Variants in NEBL observed in about 807,000 individuals in gnomAD.
NEBL encodes LIM and SH3 protein 2.
In NEBL, 122 loss-of-function variants were observed where a neutral mutation model predicts 140.2. The ratio of observed to expected loss-of-function variants is 0.87; its 90% CI spans 0.75 to 1.01. The LOEUF (loss-of-function observed/expected upper bound fraction) is 1.01, where lower values mean the gene tolerates loss of function less well. Among genes scored for constraint, NEBL ranks in the 50% least tolerant of loss-of-function variants. The probability of loss-of-function intolerance (pLI) is 0.00; values close to 1 mark genes in which losing one functional copy is unlikely to be tolerated. For synonymous variants in NEBL, 436 were observed against 398.9 expected, an observed-to-expected ratio of 1.09 and a Z score of -1.11; for missense variants, 1,365 against 1,231.3, an observed-to-expected ratio of 1.11 and a Z score of -1.62.
chr10:21,054,005 C>T (rs1003883783), intron 2 of NEBL, among the ~76,000 whole-genome samples: 1 of 149,446 alleles, frequency 6.7e-6, no homozygotes, highest in African/African-American at 2.5e-5. Context: ...TGCACTCCAG[C>T]CTGGGCGACG....
intron 2 of NEBL, among the ~76,000 whole-genome samples, chr10:21,051,581 G>A (rs1399080946): frequency 6.6e-6 from 1 of 152,032 alleles, no homozygotes; most frequent in Non-Finnish European, 1.5e-5. Flanking sequence ...AGGAAGAAAG[G>A]AATAGAGAAA....
chr10:21,034,234 A>C (rs1833925935), intron 2 of NEBL, among the ~76,000 whole-genome samples: 1 of 151,708 alleles, frequency 6.6e-6, no homozygotes, highest in Admixed American at 6.6e-5. Flanking sequence ...TCAGGTATAT[A>C]TTTTCCATTA....
intron 2 of NEBL, among the ~76,000 whole-genome samples, chr10:21,094,499 C>CAAAAAAAAAAA (rs72278772): frequency 1.6e-5 from 1 of 63,186 alleles, no homozygotes; most frequent in Non-Finnish European, 2.9e-5. Context: ...GACTCCGTCT[C>CAAAAAAAAAAA]AAAAAAAAAA....
At chr10:21,021,897 T>C (rs1838811500) in intron 2 of NEBL, among the ~76,000 whole-genome samples, 1 of 152,132 alleles carries the variant, frequency 6.6e-6, no homozygotes, top group South Asian at 2.1e-4. Flanking sequence ...AACGAAGGGA[T>C]GGAGGGAGCA....
Position 21,234,044 on chromosome 10 carries a change from T to C in NEBL, n.348+13877A>G, listed in dbSNP as rs1842313196. Among the ~76,000 whole-genome samples the C allele has an allele frequency of 3.3e-5, 5 of 150,764 alleles. No homozygotes were observed. The East Asian group carries it at 5.8e-4, about 18-fold the overall frequency. ...ATAGATAGATAGATAGATAGATAGA[T>C]AGATATCTCCAAGAAAGCTAAACAC... On this transcript the variant is annotated intron_variant and non_coding_transcript_variant, in intron 3 of 8. Coordinates refer to the NEBL transcript ENST00000675702.
At chr10:21,253,136 C>T (rs1842608474) in intron 1 of NEBL, among the ~76,000 whole-genome samples, 1 of 152,146 alleles carries the variant, frequency 6.6e-6, no homozygotes, top group Non-Finnish European at 1.5e-5. Flanking sequence ...ATGGCAGGCA[C>T]CTGTAATCCA....
intron 3 of NEBL, among the ~76,000 whole-genome samples, chr10:21,016,185 C>T (rs1838548546): frequency 6.6e-6 from 1 of 152,238 alleles, no homozygotes; most frequent in Non-Finnish European, 1.5e-5. Context: ...CTCTCTTCCT[C>T]TTGACTGCCA....
chr10:21,030,528 T>C, intron 2 of NEBL: 2 of 803,984 alleles, frequency 2.5e-6, no homozygotes, highest in East Asian at 3.4e-5. Context: ...TGAAGTGAGG[T>C]TCTAACCCTC....
intron 4 of NEBL, among the ~76,000 whole-genome samples, chr10:20,887,868 A>C (rs1007268094): frequency 4.6e-5 from 7 of 152,246 alleles, no homozygotes; most frequent in Admixed American, 1.3e-4. Flanking sequence ...TATAAATTGC[A>C]TTGAATGGGA....
chr10:21,207,460 G>T (rs568618414), intron 3 of NEBL, among the ~76,000 whole-genome samples: 1 of 152,192 alleles, frequency 6.6e-6, no homozygotes, highest in Admixed American at 6.5e-5. Context: ...TGGCATCATT[G>T]TCCCCTTTCC....
chr10:20,866,421 T>C lies in NEBL; in HGVS notation c.684+2243A>G, dbSNP rs117660503. Reference sequence around the variant, plus strand: ...GATAAAAAAATGGGGAAAAATTACATATATGAACACATTATTCCTATTATG... The same window carrying C: ...GATAAAAAAATGGGGAAAAATTACACATATGAACACATTATTCCTATTATG... On this transcript the variant is annotated intron_variant, in intron 7 of 27. Transcript: ENST00000377122. Among the ~76,000 whole-genome samples, 96 of 152,304 alleles carry C rather than the reference T, an allele frequency of 6.3e-4. 1 individual carries two copies. In the East Asian group the frequency reaches 0.018, roughly 28 times the overall value.
At chr10:20,903,146 TTA>T (rs1466030891) in intron 4 of NEBL, among the ~76,000 whole-genome samples, 6 of 152,174 alleles carry the variant, frequency 3.9e-5, no homozygotes, top group African/African-American at 1.4e-4. Context: ...TCTATACATA[TTA>T]TGTTTTTCCT....
At chr10:21,038,964 G>A (rs1044243969) in intron 2 of NEBL, among the ~76,000 whole-genome samples, 2 of 151,982 alleles carry the variant, frequency 1.3e-5, no homozygotes, top group Non-Finnish European at 2.9e-5. Flanking sequence ...AATGACCAGC[G>A]AAGATGAGCT....
In NEBL at chr10:21,052,148, G is replaced by A. The variant is rs1320728838; in HGVS notation, c.165-31947C>T. On this transcript the variant is annotated intron_variant, in intron 2 of 6. Coordinates refer to the NEBL transcript ENST00000417816. The stretch of plus-strand genomic sequence containing the variant: ...AAAATGACACAAACTGCACCAAGAA[G>A]TGTTTGCGCTTTTTCCTTCAGAAGG... Among the ~76,000 whole-genome samples, 4 of 152,168 alleles carry A rather than the reference G, an allele frequency of 2.6e-5. No homozygotes were observed. The East Asian group carries it at 7.7e-4, about 29-fold the overall frequency.
intron 2 of NEBL, among the ~76,000 whole-genome samples, chr10:21,020,568 G>A (rs1283540809): frequency 6.6e-6 from 1 of 152,086 alleles, no homozygotes; most frequent in Non-Finnish European, 1.5e-5. Context: ...TCACCTCACA[G>A]TGCCTGCCCA....
chr10:21,105,005 G>A (rs1244786303), intron 2 of NEBL, among the ~76,000 whole-genome samples: 2 of 152,098 alleles, frequency 1.3e-5, no homozygotes, highest in African/African-American at 4.8e-5. Flanking sequence ...TTTTTAGTCT[G>A]CTGATATGGA....
intron 2 of NEBL, chr10:21,112,893 G>A: frequency 5.6e-6 from 2 of 358,178 alleles, no homozygotes; most frequent in South Asian, 2.7e-5. Context: ...ATCTGTGGAG[G>A]AAGATGCAGA....
Position 20,948,938 on chromosome 10 carries a change from C to G in NEBL, c.357+12734G>C, listed in dbSNP as rs76496987. Among the ~76,000 whole-genome samples the G allele has an allele frequency of 1.8e-3, 279 of 152,354 alleles. 10 individuals carry two copies. The East Asian group carries it at 0.046, about 25-fold the overall frequency. On this transcript the variant is annotated intron_variant, in intron 4 of 6. Transcript: ENST00000417816. ...AACCAATGTTTCTCTTTTCCTTTCA[C>G]TAGCTCTGTCCTCAAACACATATGT...
chr10:20,785,853 T>A lies in NEBL; in HGVS notation c.2939A>T (p.Tyr980Phe). ...GTCAATAGGCTGCACGTTGACGATG[T>A]AGTCGCCGTCTCTAAAGGAGACCTC... ...EDEVSFRDGD[Y>F]IVNVQPIDDG... is the part of the protein sequence containing the mutation. Residue 980 changes from tyrosine to phenylalanine, a missense_variant, in exon 28 of 28, where the codon TAC (tyrosine) becomes TTC (phenylalanine). Coordinates refer to ENST00000377122, the MANE Select transcript of NEBL (RefSeq NM_006393.3). 6.2e-7 allele frequency: 1 copy of A among 1,614,046 alleles called. No homozygotes were observed.
Sources: gnomAD v4.1 joint callset for allele counts (sites outside exome capture counted in the v4.1 genomes callset) on GRCh38, gnomAD v4.1.1 for gene constraint, MANE v1.5 for transcripts, NCBI Gene and HGNC (gene_info 2026-07-23, HGNC 2026-07-21) for gene names.